Variants in FGF2 observed in about 807,000 individuals in gnomAD.
The protein encoded by FGF2 is fibroblast growth factor 2.
FGF2 carries 13 observed loss-of-function variants against 15.9 expected under a neutral mutation model. The observed-to-expected ratio is 0.82, with a 90% CI of 0.53 to 1.30. The LOEUF (loss-of-function observed/expected upper bound fraction) is 1.30. Ranked by LOEUF, FGF2 falls within the 50% of genes most tolerant of loss-of-function variation. The pLI is 0.00. For missense variants in FGF2, 163 were observed against 196.9 expected (o/e 0.83, Z 1.03); for synonymous variants, 90 against 78.4 (o/e 1.15, Z -0.78).
At chr4:122,833,846 C>T (rs554140928) in intron 1 of FGF2, among the ~76,000 whole-genome samples, 2 of 152,110 alleles carry the variant, frequency 1.3e-5, no homozygotes, top group African/African-American at 4.8e-5. Flanking sequence ...ATTTGGGAAA[C>T]ATTTCGGAAT....
intron 1 of FGF2, among the ~76,000 whole-genome samples, chr4:122,869,461 T>A (rs915244726): frequency 6.6e-6 from 1 of 152,238 alleles, no homozygotes; most frequent in Admixed American, 6.5e-5. Flanking sequence ...ATTCTTCCTA[T>A]CCTTGAGGAT....
chr4:122,827,331 C>T lies in FGF2; in HGVS notation c.157C>T (p.Arg53Trp), dbSNP rs1424847946. Residue 53 changes from arginine (R) to tryptophan (W), a missense_variant, in exon 1 of 3, where the codon CGG becomes TGG. Arg to Trp is a moderately radical substitution (Grantham distance 101, BLOSUM62 -3). Transcript: ENST00000644866. This position sits in a 1 kb window ranked among gnomAD's most constrained non-coding sequence, Gnocchi z 4.2. ...IHPDGRVDGVREKSDPHIKLQ... is the reference protein window; with the variant it reads ...IHPDGRVDGVWEKSDPHIKLQ... ...CCCCGACGGCCGAGTTGACGGGGTCCGGGAGAAGAGCGACCCTCACAGTGA... is the reference window on the plus strand; with the variant it reads ...CCCCGACGGCCGAGTTGACGGGGTCTGGGAGAAGAGCGACCCTCACAGTGA... 1.2e-6 allele frequency: 2 copies of T among 1,612,976 alleles called. No homozygotes were observed. Among genetic ancestry groups the T allele is most frequent in the Admixed American group, 3.3e-5 (2 of 60,022 alleles).
chr4:122,836,874 C>A (rs1725877520), intron 1 of FGF2, among the ~76,000 whole-genome samples: 1 of 152,200 alleles, frequency 6.6e-6, no homozygotes, highest in African/African-American at 2.4e-5. Context: ...ATTTTGGAAA[C>A]TTTTCAGCTG....
chr4:122,897,859 T>C lies in FGF2; in HGVS notation c.*5463T>C. ...TCGTTTCTTCTTTTTTTGGGGGAGC[T>C]GGTAACTGATGAAATCTTTTCCCAC... is the stretch of plus-strand genomic sequence containing the variant. On this transcript the variant is annotated 3_prime_UTR_variant, in exon 3 of 3. Coordinates refer to ENST00000644866, the MANE Select transcript of FGF2 (RefSeq NM_001361665.2). 1.7e-6 allele frequency: 1 copy of C among 582,586 alleles called. No homozygotes were observed. The highest frequency in any genetic ancestry group is 2.3e-5 in the South Asian group (1 of 43,614). The allele number at this position is 582,586 out of a possible 1,614,324, so 36.1% of individuals were successfully genotyped here. A position where few individuals can be genotyped will look rare whatever the true frequency, so the allele number is the denominator to read the frequency against.
intron 2 of FGF2, among the ~76,000 whole-genome samples, chr4:122,890,241 A>G (rs530122643): frequency 1.8e-4 from 28 of 152,166 alleles, no homozygotes; most frequent in Non-Finnish European, 2.9e-4. Flanking sequence ...ATTGGTCTAT[A>G]TTACTCTAAG....
At chr4:122,871,869 A>G (rs1478993969) in intron 1 of FGF2, among the ~76,000 whole-genome samples, 5 of 152,068 alleles carry the variant, frequency 3.3e-5, no homozygotes. Context: ...TTCAAGGGTC[A>G]GCAGCCTCAA....
At chr4:122,864,050 A>G (rs1726524164) in intron 1 of FGF2, among the ~76,000 whole-genome samples, 1 of 152,208 alleles carries the variant, frequency 6.6e-6, no homozygotes, top group African/African-American at 2.4e-5. Flanking sequence ...CACATTTACA[A>G]AGTACCTTCA....
chr4:122,889,627 AC>A (rs1361387450), intron 2 of FGF2, among the ~76,000 whole-genome samples: 1 of 152,166 alleles, frequency 6.6e-6, no homozygotes, highest in Non-Finnish European at 1.5e-5. Flanking sequence ...CAAGAGCAAA[AC>A]AGTTGTTTAG....
At chr4:122,885,995 C>T (rs114430835) in intron 2 of FGF2, among the ~76,000 whole-genome samples, 1,756 of 147,182 alleles carry the variant, frequency 0.012, 31 homozygotes, top group African/African-American at 0.042. Context: ...CATAGATCAC[C>T]ACAATCTTGA....
chr4:122,875,351 T>C (rs1198634173), intron 1 of FGF2, among the ~76,000 whole-genome samples: 1 of 151,830 alleles, frequency 6.6e-6, no homozygotes, highest in Non-Finnish European at 1.5e-5. Flanking sequence ...ATCACACTTA[T>C]TTTATGAAAA....
Position 122,827,274 on chromosome 4 carries a change from T to C in FGF2, c.100T>C (p.Cys34Arg). 6.2e-7 allele frequency: 1 copy of C among 1,612,810 alleles called. No individual in the cohort carries two copies. Among genetic ancestry groups the C allele is most frequent in the Non-Finnish European group, 8.5e-7 (1 of 1,179,852 alleles). ...CTTCAAGGACCCCAAGCGGCTGTACTGCAAAAACGGGGGCTTCTTCCTGCG... is the reference window on the plus strand; with the variant it reads ...CTTCAAGGACCCCAAGCGGCTGTACCGCAAAAACGGGGGCTTCTTCCTGCG... ...GHFKDPKRLY[C>R]KNGGFFLRIH... The change falls in exon 1 of 3, where the codon TGC becomes CGC. Residue 34 changes from cysteine (C) to arginine (R), a missense_variant. Transcript: ENST00000644866. This position sits in a 1 kb window ranked among gnomAD's most constrained non-coding sequence, Gnocchi z 4.2.
Position 122,894,722 on chromosome 4 carries a change from T to A in FGF2, c.*2326T>A, listed in dbSNP as rs111907203. On this transcript the variant is annotated 3_prime_UTR_variant, in exon 3 of 3. Coordinates refer to ENST00000644866, the MANE Select transcript of FGF2 (RefSeq NM_001361665.2). Reference sequence around the variant, plus strand: ...AAATATCCCCTAACATGTTTAAATGTCCATTTTTATTCATTATGCTTTGAA... The same window carrying A: ...AAATATCCCCTAACATGTTTAAATGACCATTTTTATTCATTATGCTTTGAA... 2.8e-4 allele frequency: 42 copies of A among 152,328 alleles called. No homozygotes were observed. Among genetic ancestry groups the A allele is most frequent in the African/African-American group, 9.6e-4 (40 of 41,568 alleles). The allele number at this position is 152,328 out of a possible 1,614,324, so 9.4% of individuals were successfully genotyped here.
chr4:122,861,337 T>C (rs2150776328), intron 1 of FGF2, among the ~76,000 whole-genome samples: 1 of 152,322 alleles, frequency 6.6e-6, no homozygotes, highest in East Asian at 1.9e-4. Flanking sequence ...TCCACAGGCA[T>C]TGCAATTTCA....
At chr4:122,886,511 C>T (rs748693808) in intron 2 of FGF2, among the ~76,000 whole-genome samples, 2 of 152,240 alleles carry the variant, frequency 1.3e-5, no homozygotes, top group East Asian at 3.9e-4. Flanking sequence ...CTACATAAAT[C>T]GTCATTCTTT....
chr4:122,856,183 C>T (rs1266410852), intron 1 of FGF2, among the ~76,000 whole-genome samples: 1 of 152,136 alleles, frequency 6.6e-6, no homozygotes, highest in Admixed American at 6.5e-5. Context: ...TGAAACCTCT[C>T]ATCAGATTTT....
chr4:122,845,687 T>C (rs1726096130), intron 1 of FGF2, among the ~76,000 whole-genome samples: 1 of 152,244 alleles, frequency 6.6e-6, no homozygotes, highest in African/African-American at 2.4e-5. Context: ...TGTAGCTTCC[T>C]TACCTCTCTC....
At chr4:122,831,844 A>G (rs561202754) in intron 1 of FGF2, among the ~76,000 whole-genome samples, 114 of 152,228 alleles carry the variant, frequency 7.5e-4, no homozygotes, top group Non-Finnish European at 1.4e-3. Flanking sequence ...TTGATTTATG[A>G]TGCCATTTTA....
chr4:122,868,359 G>T (rs559245043), intron 1 of FGF2, among the ~76,000 whole-genome samples: 1 of 152,232 alleles, frequency 6.6e-6, no homozygotes, highest in South Asian at 2.1e-4. Flanking sequence ...TTACGAGAGA[G>T]AACATGCGGT....
chr4:122,865,112 C>T (rs1172509791), intron 1 of FGF2, among the ~76,000 whole-genome samples: 1 of 151,984 alleles, frequency 6.6e-6, no homozygotes, highest in African/African-American at 2.4e-5. Context: ...GTTTAATTTG[C>T]TCTTATTTTT....
Sources: gnomAD v4.1 joint callset for allele counts (sites outside exome capture counted in the v4.1 genomes callset) on GRCh38, gnomAD v4.1.1 for gene constraint, Gnocchi (gnomAD v3.1) non-coding constraint, MANE v1.5 for transcripts, NCBI Gene and HGNC (gene_info 2026-07-23, HGNC 2026-07-21) for gene names.